The following C17orf99 variants were observed in gnomAD, a reference collection of about 807,000 sequenced individuals.
The protein encoded by C17orf99 is protein IL-40.
A neutral mutation model predicts 22.6 loss-of-function variants in C17orf99; 18 were observed. That is an observed-to-expected ratio of 0.80 (90% CI 0.55 to 1.18). C17orf99 has a LOEUF of 1.18. Ranked by LOEUF, C17orf99 falls within the 50% of genes most tolerant of loss-of-function variation. The pLI, the probability that C17orf99 is intolerant of heterozygous loss-of-function variation, is 0.00. For missense variants in C17orf99, 328 were observed against 342.7 expected (o/e 0.96, Z 0.34); for synonymous variants, 147 against 136.6 (o/e 1.08, Z -0.53).
chr17:78,149,625 C>T (rs1170921276), intron 2 of C17orf99, among the ~76,000 whole-genome samples: 1 of 152,306 alleles, frequency 6.6e-6, no homozygotes, highest in South Asian at 2.1e-4. Context: ...CCTTAACCGC[C>T]AGGGCTTAAT....
At chr17:78,146,205 T>G, upstream of C17orf99, 49 of 513,080 alleles carry the variant, frequency 9.6e-5, no homozygotes, top group Middle Eastern at 5.2e-4. The surrounding 1 kb of genome is among the most constrained non-coding windows in gnomAD (Gnocchi z 5.2). Flanking sequence ...TCTCTGGGGA[T>G]TGAGGGGGAG....
At chr17:78,164,950 A>G (rs998263980) in intron 4 of C17orf99, 8 of 1,147,546 alleles carry the variant, frequency 7.0e-6, no homozygotes, top group Non-Finnish European at 8.6e-6. Context: ...GCAGTCTCCT[A>G]AGTTCTTTAT....
At chr17:78,152,761 C>A (rs1222985217) in intron 2 of C17orf99, among the ~76,000 whole-genome samples, 1 of 151,560 alleles carries the variant, frequency 6.6e-6, no homozygotes, top group African/African-American at 2.4e-5. Context: ...GAGTGAGCCA[C>A]CACACCCAGA....
chr17:78,146,944 C>A lies in C17orf99; in HGVS notation c.70+33C>A. The A allele has an allele frequency of 1.3e-6, 2 of 1,546,520 alleles. No individual in the cohort carries two copies. The highest frequency in any genetic ancestry group is 1.8e-6 in the Non-Finnish European group (2 of 1,142,418). ...GCATAGCCTGCTGCAGGGAGAAGTC[C>A]CCCAGCTGGGACCCTGGTGTCAGAA... On this transcript the variant is annotated intron_variant, in intron 2 of 4. Coordinates refer to ENST00000340363, the MANE Select transcript of C17orf99 (RefSeq NM_001163075.2). The surrounding 1 kb of genome is among the most constrained non-coding windows in gnomAD (Gnocchi z 5.2).
At chr17:78,163,205 G>C (rs137870644) in intron 3 of C17orf99, among the ~76,000 whole-genome samples, 5 of 152,294 alleles carry the variant, frequency 3.3e-5, no homozygotes, top group African/African-American at 1.2e-4. Context: ...AGTGAGCGGT[G>C]ATCACACCAT....
chr17:78,151,721 G>A (rs776688566), intron 2 of C17orf99, among the ~76,000 whole-genome samples: 1 of 152,184 alleles, frequency 6.6e-6, no homozygotes, highest in Non-Finnish European at 1.5e-5. Context: ...ACATGAGAGA[G>A]GGGGAGCCAT....
intron 2 of C17orf99, among the ~76,000 whole-genome samples, chr17:78,147,302 G>A (rs1053300698): frequency 1.3e-5 from 2 of 152,204 alleles, no homozygotes; most frequent in Non-Finnish European, 2.9e-5. Flanking sequence ...GTGGAGGGCT[G>A]GGGAATTCTG....
At chr17:78,150,353 C>T (rs2075472000) in intron 2 of C17orf99, among the ~76,000 whole-genome samples, 1 of 152,092 alleles carries the variant, frequency 6.6e-6, no homozygotes, top group Admixed American at 6.6e-5. Context: ...CTATTTTGCC[C>T]AGCTGGTCTT....
At chr17:78,159,985 C>T (rs1233673893) in intron 2 of C17orf99, 8 of 443,554 alleles carry the variant, frequency 1.8e-5, no homozygotes, top group East Asian at 1.4e-4. Context: ...ATATTTGGGC[C>T]GTTTCCACCA....
chr17:78,164,050 A>T, intron 3 of C17orf99, 45 bp from the exon 4 acceptor site: 1 of 1,500,840 alleles, frequency 6.7e-7, no homozygotes, highest in East Asian at 2.5e-5. Flanking sequence ...GGAGGGGTTT[A>T]AAACCGCTCA....
chr17:78,146,964 T>G lies in C17orf99; in HGVS notation c.70+53T>G. 9 of 1,501,728 alleles carry G rather than the reference T, an allele frequency of 6.0e-6. No homozygotes were observed. Among genetic ancestry groups the G allele is most frequent in the Non-Finnish European group, 8.2e-6 (9 of 1,101,852 alleles). 93.0% of individuals were successfully genotyped at this position (1,501,728 alleles called of 1,614,324 possible). A position where few individuals can be genotyped will look rare whatever the true frequency, so the allele number is the denominator to read the frequency against. On this transcript the variant is annotated intron_variant, in intron 2 of 4. Transcript: ENST00000340363. The surrounding 1 kb of genome is among the most constrained non-coding windows in gnomAD (Gnocchi z 5.2). ...AAGTCCCCCAGCTGGGACCCTGGTG[T>G]CAGAACCCCCATGGTGGAGGGCGCC...
Position 78,165,999 on chromosome 17 carries a change from A to T in C17orf99, c.751A>T (p.Arg251Trp), listed in dbSNP as rs535562967. 4 of 1,488,048 alleles carry T rather than the reference A, an allele frequency of 2.7e-6. No individual in the cohort carries two copies. Among genetic ancestry groups the T allele is most frequent in the Non-Finnish European group, 3.6e-6 (4 of 1,108,914 alleles). 92.2% of individuals were successfully genotyped at this position (1,488,048 alleles called of 1,614,324 possible). A position where few individuals can be genotyped will look rare whatever the true frequency, so the allele number is the denominator to read the frequency against. ...GAGTGAAGAGGAGTTTGGGGGGTTC[A>T]GGATAGGGAATGGGGAGGTCAGAGG... ...RLSEEEFGGF[R>W]IGNGEVRGRK... is the part of the protein sequence containing the mutation. Residue 251 changes from arginine (R) to tryptophan (W), a missense_variant, in exon 5 of 5, where the codon AGG (arginine) becomes TGG (tryptophan). Transcript: ENST00000340363.
At chr17:78,160,480 G>A (rs1348129906) in intron 2 of C17orf99, among the ~76,000 whole-genome samples, 1 of 150,692 alleles carries the variant, frequency 6.6e-6, no homozygotes, top group Admixed American at 6.6e-5. Context: ...AGGTTGTGGT[G>A]AGCAGAGATC....
rs140831574 is a variant in C17orf99 at position 78,146,861 on chromosome 17, C to G, written c.38-18C>G. On this transcript the variant is annotated intron_variant, in intron 1 of 4. Transcript: ENST00000340363. The surrounding 1 kb of genome is among the most constrained non-coding windows in gnomAD (Gnocchi z 5.2). ...TCCACACCAGGCCCTCTCCTTATCG[C>G]CCTTACCTCTCTTACAGCTGCCAGC... 1,741 of 1,551,338 alleles carry G rather than the reference C, an allele frequency of 1.1e-3. 16 individuals carry two copies. The African/African-American group carries it at 0.02, about 18-fold the overall frequency.
At chr17:78,149,486 G>T (rs1322877783) in intron 2 of C17orf99, among the ~76,000 whole-genome samples, 2 of 152,080 alleles carry the variant, frequency 1.3e-5, no homozygotes, top group Non-Finnish European at 2.9e-5. Flanking sequence ...GGACCTGAGG[G>T]ATCAGGATAT....
At chr17:78,157,261 C>A (rs1324730208) in intron 2 of C17orf99, 10 of 295,946 alleles carry the variant, frequency 3.4e-5, no homozygotes, top group Non-Finnish European at 1.9e-5. Flanking sequence ...GTCTGGAGTT[C>A]AAGAGCAGCC....
chr17:78,164,350 C>T lies in C17orf99; in HGVS notation c.626C>T (p.Thr209Ile), dbSNP rs768539292. 5.2e-6 allele frequency: 8 copies of T among 1,551,390 alleles called. No individual in the cohort carries two copies. In the South Asian group the frequency reaches 7.1e-5, roughly 14 times the overall value. Residue 209 changes from threonine to isoleucine, a missense_variant, in exon 4 of 5, where the codon ACA becomes ATA. Thr to Ile is a moderately conservative substitution (Grantham distance 89). Coordinates refer to ENST00000340363, the MANE Select transcript of C17orf99 (RefSeq NM_001163075.2). ...GCCAATGTCCAGCACAGCGCCCTCA[C>T]AGTGGTGCCCCCAGGTGAGAGGGCC... ...NNANVQHSAL[T>I]VVPPGGDQKM...
chr17:78,160,016 C>A, intron 2 of C17orf99: 1 of 450,710 alleles, frequency 2.2e-6, no homozygotes, highest in South Asian at 1.6e-5. Context: ...GTGAATCACG[C>A]TGCCATGAGC....
intron 4 of C17orf99, chr17:78,164,883 G>A (rs1283288514): frequency 6.8e-6 from 8 of 1,178,452 alleles, no homozygotes; most frequent in Admixed American, 3.9e-5. Flanking sequence ...AGGCGTTATC[G>A]GACCCTGACC....
Sources: allele counts gnomAD v4.1 joint callset (sites outside exome capture counted in the v4.1 genomes callset), GRCh38; gene constraint gnomAD v4.1.1; non-coding constraint Gnocchi (gnomAD v3.1); transcripts MANE v1.5; gene names NCBI Gene and HGNC (gene_info 2026-07-23, HGNC 2026-07-21).